Variants in BCAR3 observed in about 807,000 individuals in gnomAD.
BCAR3 encodes breast cancer anti-estrogen resistance protein 3.
A neutral mutation model predicts 80.1 loss-of-function variants in BCAR3; 37 were observed. The observed-to-expected ratio is 0.46, with a 90% confidence interval of 0.36 to 0.61. BCAR3 has a LOEUF of 0.61. BCAR3 is among the 20% of genes least tolerant of loss of function. BCAR3 has a pLI of 0.00. For missense variants in BCAR3, 978 were observed against 1,068.2 expected (o/e 0.92, Z 1.18); for synonymous variants, 389 against 418.9 (o/e 0.93, Z 0.87).
intron 2 of BCAR3, among the ~76,000 whole-genome samples, chr1:93,768,404 A>G (rs1652232393): frequency 6.6e-6 from 1 of 152,224 alleles, no homozygotes; most frequent in South Asian, 2.1e-4. Context: ...GTTTGAGTTC[A>G]AAGTGTGTGG....
rs1653330565 is a variant in BCAR3, at chr1:93,797,688, C to T, written c.-63+47879G>A. ...TTTTTGATATATTCATTCTACCAAT[C>T]AGAAGACTGGGCATGGTATGTACAA... On this transcript the variant is annotated intron_variant, in intron 2 of 13. Transcript: ENST00000370244. Among the ~76,000 whole-genome samples, 4 of 151,998 alleles carry T rather than the reference C, an allele frequency of 2.6e-5. No homozygotes were observed. In the South Asian group the frequency reaches 8.3e-4, roughly 32 times the overall value.
chr1:93,699,301 T>C (rs1649549387), intron 3 of BCAR3, among the ~76,000 whole-genome samples: 1 of 152,114 alleles, frequency 6.6e-6, no homozygotes, highest in African/African-American at 2.4e-5. Context: ...AAACCCAAAA[T>C]AGTGAAAACG....
At chr1:93,676,747 TCA>T (rs1571035827) in intron 1 of BCAR3, among the ~76,000 whole-genome samples, 3 of 152,344 alleles carry the variant, frequency 2.0e-5, no homozygotes, top group South Asian at 4.1e-4. Context: ...TTGTGACTTC[TCA>T]CAGACAGGAC....
Position 93,586,873 on chromosome 1 carries a change from C to G in BCAR3, c.929+2104G>C, listed in dbSNP as rs553459489. 3.9e-5 allele frequency among the ~76,000 whole-genome samples: 6 copies of G among 152,314 alleles called. No homozygotes were observed. Among genetic ancestry groups the G allele is most frequent in the Admixed American group, 2.6e-4 (4 of 15,300 alleles). On this transcript the variant is annotated intron_variant, in intron 5 of 11. Transcript: ENST00000260502. The surrounding 1 kb of genome is among the most constrained non-coding windows in gnomAD (Gnocchi z 4.2). ...ATCTCGGCTCACTGCCTCCTGGGTTCAAGCAATTCTCCTGCCTTAGCCTCC... is the reference window on the plus strand; with the variant it reads ...ATCTCGGCTCACTGCCTCCTGGGTTGAAGCAATTCTCCTGCCTTAGCCTCC...
chr1:93,805,680 T>C lies in BCAR3; in HGVS notation c.-63+39887A>G, dbSNP rs113290844. 7.2e-5 allele frequency among the ~76,000 whole-genome samples: 11 copies of C among 152,298 alleles called. No individual in the cohort carries two copies. The South Asian group carries it at 2.1e-3, about 29-fold the overall frequency. ...TTAAGATTTTCTATCAGCCTCCTTA[T>C]TGCCTCAGTCTTAAACAGAAATGAA... On this transcript the variant is annotated intron_variant, in intron 2 of 13. Coordinates refer to the BCAR3 transcript ENST00000370244.
intron 3 of BCAR3, among the ~76,000 whole-genome samples, chr1:93,632,078 G>A (rs1353113024): frequency 6.6e-6 from 1 of 152,210 alleles, no homozygotes; most frequent in Non-Finnish European, 1.5e-5. Flanking sequence ...GAGAGATGCT[G>A]CTCAGAGCTG....
At chr1:93,702,279 C>A (rs775586200) in intron 3 of BCAR3, among the ~76,000 whole-genome samples, 4 of 152,148 alleles carry the variant, frequency 2.6e-5, no homozygotes, top group South Asian at 4.1e-4. Flanking sequence ...TGTGCCTAGG[C>A]ATGGCGGGGA....
chr1:93,635,170 T>C (rs1191641400), intron 3 of BCAR3, among the ~76,000 whole-genome samples: 1 of 151,882 alleles, frequency 6.6e-6, no homozygotes, highest in Non-Finnish European at 1.5e-5. Flanking sequence ...CAGTGAGCTA[T>C]GATTGCACCA....
intron 2 of BCAR3, among the ~76,000 whole-genome samples, chr1:93,754,953 G>A (rs575773181): frequency 6.6e-6 from 1 of 152,296 alleles, no homozygotes; most frequent in South Asian, 2.1e-4. Context: ...TGTTGCCCCT[G>A]AAGACCTTCC....
chr1:93,816,195 G>T (rs1361662673), intron 2 of BCAR3, among the ~76,000 whole-genome samples: 1 of 152,062 alleles, frequency 6.6e-6, no homozygotes, highest in Non-Finnish European at 1.5e-5. Flanking sequence ...AAATAAATTA[G>T]CTGCACAGAA....
In BCAR3 at chr1:93,771,289, C is replaced by T. The variant is rs561011639; in HGVS notation, c.-62-65147G>A. 1.4e-4 allele frequency among the ~76,000 whole-genome samples: 21 copies of T among 152,274 alleles called. No individual in the cohort carries two copies. The South Asian group carries it at 3.9e-3, about 29-fold the overall frequency. On this transcript the variant is annotated intron_variant, in intron 2 of 13. Coordinates refer to the BCAR3 transcript ENST00000370244. ...ATTCCAGAGCCCATACCCACAGCCA[C>T]CCTGTCAGAGTTGTGTTCTTGAATT...
chr1:93,626,990 G>C (rs1056536254), intron 3 of BCAR3, among the ~76,000 whole-genome samples: 1 of 152,180 alleles, frequency 6.6e-6, no homozygotes, highest in East Asian at 1.9e-4. Context: ...CGAACAAAGT[G>C]AGCCTGTTAC....
chr1:93,582,308 T>A lies in BCAR3; in HGVS notation c.1679A>T (p.Asp560Val). 6.2e-7 allele frequency: 1 copy of A among 1,613,624 alleles called. No homozygotes were observed. Among genetic ancestry groups the A allele is most frequent in the Non-Finnish European group, 8.5e-7 (1 of 1,179,608 alleles). ...KVIAQHVLSM[D>V]CRVARILGVS... ...AGGACCCCCAGCGCTTACCCTGCAG[T>A]CCATGCTCAGTACGTGCTGGGCGAT... is the stretch of plus-strand genomic sequence containing the variant. The change falls in exon 7 of 12, where the codon GAC (aspartate) becomes GTC (valine). Residue 560 changes from aspartate to valine, a missense_variant. Transcript: ENST00000260502.
At chr1:93,838,316 A>G (rs902165888) in intron 2 of BCAR3, among the ~76,000 whole-genome samples, 3 of 152,180 alleles carry the variant, frequency 2.0e-5, no homozygotes, top group African/African-American at 7.2e-5. Context: ...GGGGAGAAAA[A>G]CCTGAGGAGC....
Position 93,586,511 on chromosome 1 carries a change from T to A in BCAR3, c.930-2390A>T, listed in dbSNP as rs182285391. 9.1e-3 allele frequency among the ~76,000 whole-genome samples: 889 copies of A among 97,186 alleles called. 5 individuals are homozygous for A. The highest frequency in any genetic ancestry group is 0.013 in the Non-Finnish European group (593 of 44,640). The allele number at this position is 97,186 out of a possible 152,430, so 63.8% of individuals were successfully genotyped here. Reference sequence around the variant, plus strand: ...TTGTAAACAGTGCTGCAACAAACATTGGTGCAGGTATCTCTTTGATATACT... The same window carrying A: ...TTGTAAACAGTGCTGCAACAAACATAGGTGCAGGTATCTCTTTGATATACT... On this transcript the variant is annotated intron_variant, in intron 5 of 11. Transcript: ENST00000260502. This position sits in a 1 kb window ranked among gnomAD's most constrained non-coding sequence, Gnocchi z 4.2.
At chr1:93,693,881 T>C (rs1444118539) in intron 3 of BCAR3, among the ~76,000 whole-genome samples, 1 of 152,232 alleles carries the variant, frequency 6.6e-6, no homozygotes, top group Non-Finnish European at 1.5e-5. Context: ...GTGGAGCTGA[T>C]AGTGGTCTCC....
chr1:93,662,701 G>A (rs1647719702), intron 2 of BCAR3, among the ~76,000 whole-genome samples: 1 of 152,028 alleles, frequency 6.6e-6, no homozygotes, highest in Admixed American at 6.6e-5. Context: ...ATTCTTCTAA[G>A]CTTCCAACCA....
chr1:93,636,078 C>T (rs191787039), intron 3 of BCAR3, among the ~76,000 whole-genome samples: 5 of 152,248 alleles, frequency 3.3e-5, no homozygotes, highest in East Asian at 1.9e-4. Flanking sequence ...TATCCCCAGC[C>T]GGCTGCAGGA....
rs748027776 is a variant in BCAR3 at position 93,562,388 on chromosome 1, G to C, written c.2331C>G (p.Ile777Met). The C allele has an allele frequency of 1.9e-6, 3 of 1,613,720 alleles. No homozygotes were observed. Among genetic ancestry groups the C allele is most frequent in the African/African-American group, 2.7e-5 (2 of 74,912 alleles). The change falls in exon 12 of 12, where the codon ATC becomes ATG. Residue 777 changes from isoleucine to methionine, a missense_variant. Ile to Met is a conservative substitution (Grantham distance 10, BLOSUM62 1). Coordinates refer to ENST00000260502, the MANE Select transcript of BCAR3 (RefSeq NM_003567.4). ...GFQPDEEMNEICKTEFQMRLL... is the reference protein window; with the variant it reads ...GFQPDEEMNEMCKTEFQMRLL... ...ATCGCATTTGAAATTCAGTCTTGCAGATTTCATTCATTTCTTCATCTGGTT... is the reference window on the plus strand; with the variant it reads ...ATCGCATTTGAAATTCAGTCTTGCACATTTCATTCATTTCTTCATCTGGTT...
Sources: gnomAD v4.1 joint callset for allele counts (sites outside exome capture counted in the v4.1 genomes callset) on GRCh38, gnomAD v4.1.1 for gene constraint, Gnocchi (gnomAD v3.1) non-coding constraint, MANE v1.5 for transcripts, NCBI Gene and HGNC (gene_info 2026-07-23, HGNC 2026-07-21) for gene names.